The following NOP14 variants were observed in gnomAD, a reference collection of about 807,000 sequenced individuals.
The protein encoded by NOP14 is nucleolar protein 14.
A neutral mutation model predicts 101.6 loss-of-function variants in NOP14; 57 were observed. The observed-to-expected ratio is 0.56, with a 90% CI of 0.45 to 0.70. NOP14 has a LOEUF of 0.70. NOP14 is among the 30% of genes least tolerant of loss of function. NOP14 has a pLI of 0.00. For missense variants in NOP14, 1,134 were observed against 1,075.5 expected (o/e 1.05, Z -0.76); for synonymous variants, 428 against 424.0 (o/e 1.01, Z -0.12).
At chr4:2,960,631 G>A (rs1315269820) in intron 1 of NOP14, among the ~76,000 whole-genome samples, 1 of 147,284 alleles carries the variant, frequency 6.8e-6, no homozygotes, top group African/African-American at 2.5e-5. Context: ...TAAGGGACCA[G>A]TAACTATATT....
rs1441271846 is a variant in NOP14, at chr4:2,938,505, A to G, written c.*326T>C. ...GGCAACAAGAGCAAAACTCCGTCTC[A>G]AAAAAAAAAATTTTTTTTTAAGCGA... On this transcript the variant is annotated 3_prime_UTR_variant, in exon 18 of 18. Transcript: ENST00000416614. 7.5e-6 allele frequency: 2 copies of G among 266,596 alleles called. No homozygotes were observed. Among genetic ancestry groups the G allele is most frequent in the African/African-American group, 2.4e-5 (1 of 40,970 alleles). 16.5% of individuals were successfully genotyped at this position (266,596 alleles called of 1,614,324 possible).
chr4:2,947,897 G>A (rs998155772), intron 9 of NOP14, among the ~76,000 whole-genome samples: 3 of 152,236 alleles, frequency 2.0e-5, no homozygotes, highest in South Asian at 2.1e-4. Flanking sequence ...CGGGCAGCAC[G>A]GCGTCCTCCT....
In NOP14 at chr4:2,950,061, G is replaced by A. The variant is rs146640631; in HGVS notation, c.1155C>T (p.Asn385=). ...SPDSHLDLES[N]VESEEENEKP... The stretch of plus-strand genomic sequence containing the variant: ...TCTCGTTTTCTTCCTCACTCTCCAC[G>A]TTGGATTCCAGGTCCAAGTGGCTAT... The change falls in exon 8 of 18, where the codon AAC becomes AAT. Residue 385 remains asparagine (N), a synonymous_variant. Coordinates refer to ENST00000416614, the MANE Select transcript of NOP14 (RefSeq NM_001291978.2). 167 of 1,613,978 alleles carry A rather than the reference G, an allele frequency of 1.0e-4. 1 individual carries two copies. The African/African-American group carries it at 1.7e-3, about 16-fold the overall frequency.
intron 1 of NOP14, among the ~76,000 whole-genome samples, chr4:2,960,738 A>T (rs1217005795): frequency 1.5e-5 from 2 of 132,046 alleles, no homozygotes; most frequent in Admixed American, 7.8e-5. Flanking sequence ...ATTAATATTA[A>T]TATATTAATA....
chr4:2,956,834 T>A (rs770897801), intron 2 of NOP14, 23 bp from the exon 3 acceptor site: 17 of 1,566,196 alleles, frequency 1.1e-5, no homozygotes. Flanking sequence ...AAAAAAAGTT[T>A]CCTAAAATTA....
At position 2,941,724 on chromosome 4, in the gene NOP14, G is replaced by C. The variant is rs780230229; in HGVS notation, c.2057C>G (p.Ser686Cys). 7 of 1,612,394 alleles carry C rather than the reference G, an allele frequency of 4.3e-6. No individual in the cohort carries two copies. The South Asian group carries it at 7.7e-5, about 18-fold the overall frequency. The change falls in exon 15 of 18, where the codon TCC becomes TGC. Residue 686 changes from serine to cysteine, a missense_variant. Ser to Cys is a moderately radical substitution (Grantham distance 112, BLOSUM62 -1). Coordinates refer to ENST00000416614, the MANE Select transcript of NOP14 (RefSeq NM_001291978.2). ...TSTEANHIRLSCLAVGLALLK... is the reference protein window; with the variant it reads ...TSTEANHIRLCCLAVGLALLK... The stretch of plus-strand genomic sequence containing the variant: ...CAGGGCCAGGCCCACAGCCAGGCAG[G>C]ACAGTCTGTGAGGGCAGGAGGCAAG...
At chr4:2,944,687 G>C (rs148967493) in intron 12 of NOP14, among the ~76,000 whole-genome samples, 1 of 152,182 alleles carries the variant, frequency 6.6e-6, no homozygotes, top group Non-Finnish European at 1.5e-5. Context: ...GATTACAGGC[G>C]TGAGCCACCG....
chr4:2,942,692 A>G (rs1398584226), intron 13 of NOP14, among the ~76,000 whole-genome samples: 1 of 152,220 alleles, frequency 6.6e-6, no homozygotes, highest in Non-Finnish European at 1.5e-5. Flanking sequence ...TCGGGGAGAC[A>G]GGCAGTGCAC....
At chr4:2,956,938 A>C in intron 2 of NOP14, 127 bp from the exon 3 acceptor site, 1 of 834,816 alleles carries the variant, frequency 1.2e-6, no homozygotes, top group Non-Finnish European at 1.8e-6. Context: ...AGCAGCCTTA[A>C]AGAGTATTTT....
At chr4:2,961,425 C>G (rs908784873) in intron 1 of NOP14, 1 of 152,090 alleles carries the variant, frequency 6.6e-6, no homozygotes, top group Non-Finnish European at 1.5e-5. Context: ...CCTCTTCCTG[C>G]CAGACTGAGT....
In NOP14 at chr4:2,949,889, A is replaced by C. The variant is rs371134082; in HGVS notation, c.1282+45T>G. On this transcript the variant is annotated intron_variant, in intron 8 of 17. Coordinates refer to ENST00000416614, the MANE Select transcript of NOP14 (RefSeq NM_001291978.2). Reference sequence around the variant, plus strand: ...GAACACACACAGCTATGGCCAGGTCATAAAGGTTATCCCAGAACCTGAGGA... The same window carrying C: ...GAACACACACAGCTATGGCCAGGTCCTAAAGGTTATCCCAGAACCTGAGGA... 139 of 1,610,238 alleles carry C rather than the reference A, an allele frequency of 8.6e-5. 1 individual carries two copies. Among genetic ancestry groups the C allele is most frequent in the Non-Finnish European group, 1.1e-4 (130 of 1,177,352 alleles).
chr4:2,961,733 T>C lies in NOP14; in HGVS notation c.195+1392A>G, dbSNP rs530365903. The C allele has an allele frequency of 3.9e-5, 6 of 152,386 alleles. No homozygotes were observed. The South Asian group carries it at 8.3e-4, about 21-fold the overall frequency. 9.4% of individuals were successfully genotyped at this position (152,386 alleles called of 1,614,324 possible). On this transcript the variant is annotated intron_variant, in intron 1 of 17. Transcript: ENST00000416614. Reference sequence around the variant, plus strand: ...ACTGTAACTCCCTCTAGAAGAATTTTTGGACTTTCCTAACTATTACACTTT... The same window carrying C: ...ACTGTAACTCCCTCTAGAAGAATTTCTGGACTTTCCTAACTATTACACTTT...
chr4:2,938,997 TC>T, intron 17 of NOP14, 67 bp from the exon 18 acceptor site: 1 of 1,516,322 alleles, frequency 6.6e-7, no homozygotes, highest in Admixed American at 1.7e-5. Context: ...GCCCTCTCTC[TC>T]CCACATCAGA....
intron 3 of NOP14, among the ~76,000 whole-genome samples, chr4:2,956,046 T>C (rs2109311375): frequency 6.6e-6 from 1 of 152,370 alleles, no homozygotes; most frequent in East Asian, 1.9e-4. Context: ...AAGTAATTGA[T>C]GTCATGACTG....
At position 2,941,710 on chromosome 4, in the gene NOP14, C is replaced by T. The variant is rs1714209088; in HGVS notation, c.2071G>A (p.Gly691Ser). ...NHIRLSCLAVGLALLKRCVLM... is the reference protein window; with the variant it reads ...NHIRLSCLAVSLALLKRCVLM... ...ACGCAGCGCTTCAGCAGGGCCAGGC[C>T]CACAGCCAGGCAGGACAGTCTGTGA... The change falls in exon 15 of 18, where the codon GGC (glycine) becomes AGC (serine). Residue 691 changes from glycine (G) to serine (S), a missense_variant. Coordinates refer to ENST00000416614, the MANE Select transcript of NOP14 (RefSeq NM_001291978.2). 6.2e-7 allele frequency: 1 copy of T among 1,612,844 alleles called. No homozygotes were observed. The highest frequency in any genetic ancestry group is 1.7e-5 in the Admixed American group (1 of 59,918).
chr4:2,945,148 G>A lies in NOP14; in HGVS notation c.1717C>T (p.Leu573Phe). The stretch of plus-strand genomic sequence containing the variant: ...CGCACCTTGGTGAGCAGCTGACTGA[G>A]GCACACGAGGGCAGGGGTCACCACT... ...HPVVTPALVC[L>F]SQLLTKCPIL... The change falls in exon 12 of 18, where the codon CTC becomes TTC. Residue 573 changes from leucine to phenylalanine, a missense_variant. Transcript: ENST00000416614. 6.3e-7 allele frequency: 1 copy of A among 1,590,088 alleles called. No individual in the cohort carries two copies. The highest frequency in any genetic ancestry group is 8.6e-7 in the Non-Finnish European group (1 of 1,167,936).
intron 6 of NOP14, among the ~76,000 whole-genome samples, chr4:2,951,771 C>T (rs1715042874): frequency 6.6e-6 from 1 of 152,126 alleles, no homozygotes; most frequent in Non-Finnish European, 1.5e-5. Flanking sequence ...TGAGAACAGC[C>T]TAGGCAACAT....
chr4:2,960,952 ATATTAATATTATAT>A lies in NOP14; in HGVS notation c.195+2159_195+2172del, dbSNP rs1251482165. On this transcript the variant is annotated intron_variant, in intron 1 of 17. Transcript: ENST00000416614. The stretch of plus-strand genomic sequence containing the variant: ...ATTTTAATATTATATCAATATTATT[ATATTAATATTATAT>A]CAATATTATATTAATATTATATCGA... Among the ~76,000 whole-genome samples the A allele has an allele frequency of 6.1e-5, 3 of 49,392 alleles. 1 individual carries two copies. The highest frequency in any genetic ancestry group is 3.0e-4 in the African/African-American group (3 of 10,006). 32.4% of individuals were successfully genotyped at this position (49,392 alleles called of 152,430 possible).
At chr4:2,957,498 C>A in intron 2 of NOP14, 108 bp downstream of exon 2, 2 of 1,357,586 alleles carry the variant, frequency 1.5e-6, no homozygotes, top group Non-Finnish European at 2.1e-6. Flanking sequence ...TCCCCTGGAC[C>A]TTCCGAGTGC....
Sources: allele counts gnomAD v4.1 joint callset (sites outside exome capture counted in the v4.1 genomes callset), GRCh38; gene constraint gnomAD v4.1.1; transcripts MANE v1.5; gene names NCBI Gene and HGNC (gene_info 2026-07-23, HGNC 2026-07-21).